CHCHD3: variants seen among roughly 807,000 people sequenced by gnomAD.
The protein encoded by CHCHD3 is MICOS complex subunit MIC19.
CHCHD3 carries 20 observed loss-of-function variants against 38.2 expected under a neutral mutation model. The observed-to-expected ratio is 0.52, with a 90% confidence interval of 0.37 to 0.76. CHCHD3 has a LOEUF of 0.76. Ranked by LOEUF, CHCHD3 falls within the 30% of genes least tolerant of loss-of-function variation. The pLI, the probability that CHCHD3 is intolerant of heterozygous loss-of-function variation, is 0.00. For missense variants in CHCHD3, 245 were observed against 279.2 expected (o/e 0.88, Z 0.87); for synonymous variants, 82 against 100.0 (o/e 0.82, Z 1.07).
intron 4 of CHCHD3, chr7:132,886,861 G>T: frequency 1.7e-6 from 1 of 605,896 alleles, no homozygotes; most frequent in Non-Finnish European, 2.4e-6. Context: ...AAATTCTTTT[G>T]CTAAATGATC....
intron 3 of CHCHD3, among the ~76,000 whole-genome samples, chr7:132,990,106 G>A (rs1412982629): frequency 6.6e-6 from 1 of 152,164 alleles, no homozygotes; most frequent in Non-Finnish European, 1.5e-5. Flanking sequence ...CCAGGAGGCA[G>A]AGGTTGCAGT....
chr7:133,080,379 T>G (rs1158127000), intron 1 of CHCHD3, among the ~76,000 whole-genome samples: 1 of 152,252 alleles, frequency 6.6e-6, no homozygotes, highest in Non-Finnish European at 1.5e-5. Flanking sequence ...TGAATCTCTG[T>G]GCTGTGGCCA....
At chr7:133,023,172 C>T (rs918388379) in intron 3 of CHCHD3, among the ~76,000 whole-genome samples, 9 of 151,992 alleles carry the variant, frequency 5.9e-5, no homozygotes, top group South Asian at 2.1e-4. Context: ...TAAAGCACTG[C>T]ATGGGAAACT....
At chr7:132,842,367 C>T (rs1287477794) in intron 5 of CHCHD3, among the ~76,000 whole-genome samples, 4 of 152,074 alleles carry the variant, frequency 2.6e-5, no homozygotes, top group African/African-American at 9.7e-5. Flanking sequence ...AGAAAATAGG[C>T]AAAAGATTCC....
At chr7:132,954,191 G>A (rs1335566361) in intron 4 of CHCHD3, among the ~76,000 whole-genome samples, 4 of 152,040 alleles carry the variant, frequency 2.6e-5, no homozygotes, top group Non-Finnish European at 1.5e-5. Context: ...CCTTGCTCTG[G>A]TGTATATGGC....
chr7:132,964,353 C>A (rs991870631), intron 4 of CHCHD3, among the ~76,000 whole-genome samples: 11 of 152,112 alleles, frequency 7.2e-5, no homozygotes, highest in African/African-American at 2.7e-4. Flanking sequence ...GAGGCCGAGG[C>A]GGGCAGATCA....
intron 6 of CHCHD3, among the ~76,000 whole-genome samples, chr7:132,814,061 G>A (rs1327070179): frequency 3.3e-5 from 5 of 152,198 alleles, no homozygotes; most frequent in Admixed American, 3.3e-4. Context: ...AGAATTGATG[G>A]CAAACGGCTT....
intron 5 of CHCHD3, among the ~76,000 whole-genome samples, chr7:132,853,548 G>T (rs369739349): frequency 1.3e-5 from 2 of 152,150 alleles, no homozygotes; most frequent in African/African-American, 4.8e-5. Flanking sequence ...CTTGGACCTG[G>T]GAGGCGGAGG....
At chr7:132,874,185 T>C (rs1164750267) in intron 5 of CHCHD3, among the ~76,000 whole-genome samples, 2 of 152,132 alleles carry the variant, frequency 1.3e-5, no homozygotes, top group Non-Finnish European at 2.9e-5. Context: ...TTATAGAGTT[T>C]ATACAAACAC....
At chr7:132,978,504 G>A (rs1160067553) in intron 3 of CHCHD3, among the ~76,000 whole-genome samples, 4 of 152,114 alleles carry the variant, frequency 2.6e-5, no homozygotes. Flanking sequence ...AAACACGCAA[G>A]AAAAAGTTGT....
chr7:133,058,720 A>G (rs1411567564), intron 2 of CHCHD3, among the ~76,000 whole-genome samples: 2 of 152,326 alleles, frequency 1.3e-5, no homozygotes, highest in East Asian at 3.9e-4. Flanking sequence ...AAAAAAACAA[A>G]TTGCATCTGA....
intron 2 of CHCHD3, among the ~76,000 whole-genome samples, chr7:133,047,830 G>A (rs1814037973): frequency 6.6e-6 from 1 of 152,192 alleles, no homozygotes; most frequent in Non-Finnish European, 1.5e-5. Context: ...GCTCATGCCT[G>A]TAATCCCAGC....
chr7:132,975,175 C>G lies in CHCHD3; in HGVS notation c.363G>C (p.Lys121Asn), dbSNP rs1277097594. 1 of 1,611,536 alleles carries G rather than the reference C, an allele frequency of 6.2e-7. No homozygotes were observed. The highest frequency in any genetic ancestry group is 8.5e-7 in the Non-Finnish European group (1 of 1,179,416). Residue 121 changes from lysine to asparagine, a missense_variant, in exon 4 of 8, where the codon AAG becomes AAC. Lys to Asn is a moderately conservative substitution (Grantham distance 94). Transcript: ENST00000262570. ...ICSEEERAKA[K>N]HLARQLEEKD... is the part of the protein sequence containing the mutation. ...CTACATTTTTAATACTCACCAGGTG[C>G]TTTGCCTTAGCGCGTTCCTCCTCGC... is the stretch of plus-strand genomic sequence containing the variant.
intron 4 of CHCHD3, among the ~76,000 whole-genome samples, chr7:132,903,891 A>G (rs1294493128): frequency 6.6e-6 from 1 of 152,202 alleles, no homozygotes; most frequent in Non-Finnish European, 1.5e-5. Context: ...ACTGCATGTG[A>G]GTATATTACA....
At chr7:133,032,258 A>C (rs1021970093) in intron 2 of CHCHD3, among the ~76,000 whole-genome samples, 4 of 152,206 alleles carry the variant, frequency 2.6e-5, no homozygotes, top group African/African-American at 9.7e-5. Flanking sequence ...CCATCCTATA[A>C]GGAGAATGTA....
intron 3 of CHCHD3, among the ~76,000 whole-genome samples, chr7:133,001,883 G>A (rs1407178021): frequency 2.6e-5 from 4 of 152,130 alleles, no homozygotes; most frequent in Admixed American, 6.6e-5. Context: ...TGTGTGAGTC[G>A]CTGTGCTGTA....
chr7:133,078,612 C>T (rs1454512139), intron 1 of CHCHD3, among the ~76,000 whole-genome samples: 1 of 152,172 alleles, frequency 6.6e-6, no homozygotes, highest in Non-Finnish European at 1.5e-5. Context: ...TGGTTTACAA[C>T]GGATTTTGCT....
chr7:132,800,386 A>C (rs1585524960), intron 6 of CHCHD3, among the ~76,000 whole-genome samples: 1 of 152,258 alleles, frequency 6.6e-6, no homozygotes, highest in East Asian at 1.9e-4. Context: ...ACACAGTTAC[A>C]CTCGGTTATC....
rs10555609 is a variant in CHCHD3 at position 133,072,170 on chromosome 7, GAAA to G, written c.82-1944_82-1942del. Among the ~76,000 whole-genome samples, 3 of 117,108 alleles carry G rather than the reference GAAA, an allele frequency of 2.6e-5. 1 individual carries two copies. Among genetic ancestry groups the G allele is most frequent in the Admixed American group, 8.2e-5 (1 of 12,170 alleles). 76.8% of individuals were successfully genotyped at this position (117,108 alleles called of 152,430 possible). A position where few individuals can be genotyped will look rare whatever the true frequency, so the allele number is the denominator to read the frequency against. On this transcript the variant is annotated intron_variant, in intron 1 of 7. Transcript: ENST00000262570. ...GGGCAACAGAGCAAGACCCTATCTA[GAAA>G]AAAAAAAAAAAAGTGTTGGAATGTA...
Sources: allele counts gnomAD v4.1 joint callset (sites outside exome capture counted in the v4.1 genomes callset), GRCh38; gene constraint gnomAD v4.1.1; transcripts MANE v1.5; gene names NCBI Gene and HGNC (gene_info 2026-07-23, HGNC 2026-07-21).